Variants in TBX10 observed in about 807,000 individuals in gnomAD.
The protein encoded by TBX10 is T-box transcription factor TBX10.
In TBX10, 26 loss-of-function variants were observed where a neutral mutation model predicts 32.4. The ratio of observed to expected loss-of-function variants is 0.80; its 90% CI spans 0.59 to 1.11. The LOEUF (loss-of-function observed/expected upper bound fraction) is 1.11. TBX10 is among the 50% of genes most tolerant of loss of function. The probability of loss-of-function intolerance (pLI) is 0.00; values close to 1 mark genes in which losing one functional copy is unlikely to be tolerated. For missense variants in TBX10, 490 were observed against 494.5 expected, an observed-to-expected ratio of 0.99 and a Z score of 0.09; for synonymous variants, 195 against 203.1, an observed-to-expected ratio of 0.96 and a Z score of 0.34.
chr11:67,636,259 T>G (rs1026676165), intron 1 of TBX10, among the ~76,000 whole-genome samples: 4 of 150,894 alleles, frequency 2.7e-5, no homozygotes, highest in African/African-American at 7.3e-5. Context: ...TTTTTTTTTT[T>G]TTTTGTAGAG....
rs965982729 is a variant in TBX10 at position 67,637,707 on chromosome 11, G to A, written c.7+1759C>T. Among the ~76,000 whole-genome samples, 15 of 152,178 alleles carry A rather than the reference G, an allele frequency of 9.9e-5. No individual in the cohort carries two copies. In the East Asian group the frequency reaches 2.9e-3, roughly 29 times the overall value. On this transcript the variant is annotated intron_variant, in intron 1 of 7. Coordinates refer to ENST00000335385, the MANE Select transcript of TBX10 (RefSeq NM_005995.5). ...GGCAAATATTTAGGCTAAATTGTGG[G>A]AGCTAAGAACATAAAATATATTGAT...
Position 67,634,868 on chromosome 11 carries a change from C to T in TBX10, c.325G>A (p.Ala109Thr). The change falls in exon 3 of 8, where the codon GCC becomes ACC. Residue 109 changes from alanine (A) to threonine (T), a missense_variant. Around this residue, in one of 3 missense-constraint regions of TBX10, gnomAD observed 307 missense variants for 294.9 expected, o/e 1.04. Transcript: ENST00000335385. ...QVKILGMDSL[A>T]DYALLMDFIP... ...AAGTCCATGAGCAGGGCGTAGTCGG[C>T]CAGGGAGTCCATGCCCAGGATCTTC... The T allele has an allele frequency of 1.9e-6, 3 of 1,613,470 alleles. No homozygotes were observed. The highest frequency in any genetic ancestry group is 1.7e-6 in the Non-Finnish European group (2 of 1,180,010).
upstream of TBX10, among the ~76,000 whole-genome samples, chr11:67,641,324 C>T (rs769159786): frequency 7.2e-5 from 11 of 152,206 alleles, no homozygotes; most frequent in Non-Finnish European, 1.6e-4. Context: ...CCCACATGCA[C>T]GCAGACACAC....
intron 6 of TBX10, 72 bp from the exon 7 acceptor site, chr11:67,632,484 C>T: frequency 6.3e-7 from 1 of 1,587,286 alleles, no homozygotes. Flanking sequence ...TGGCCAGCTT[C>T]AGATGGTGGG....
chr11:67,631,576 A>T lies in TBX10; in HGVS notation c.*29T>A. On this transcript the variant is annotated 3_prime_UTR_variant, in exon 8 of 8. Coordinates refer to ENST00000335385, the MANE Select transcript of TBX10 (RefSeq NM_005995.5). The stretch of plus-strand genomic sequence containing the variant: ...CCACACCCGGTGTAAGGTCCAGGGT[A>T]GCAGGGCTTCCCCCCAGGGCTTCTG... 1 of 1,576,346 alleles carries T rather than the reference A, an allele frequency of 6.3e-7. No homozygotes were observed. Among genetic ancestry groups the T allele is most frequent in the Non-Finnish European group, 8.6e-7 (1 of 1,168,304 alleles).
At chr11:67,640,480 C>A (rs547228419), upstream of TBX10, among the ~76,000 whole-genome samples, 1 of 152,184 alleles carries the variant, frequency 6.6e-6, no homozygotes, top group Non-Finnish European at 1.5e-5. Context: ...GAGAAGTGGG[C>A]GTCCGCTCTG....
chr11:67,640,585 C>A (rs889076694), upstream of TBX10, among the ~76,000 whole-genome samples: 2 of 152,244 alleles, frequency 1.3e-5, no homozygotes, highest in Non-Finnish European at 2.9e-5. Flanking sequence ...ATGGATCACT[C>A]TGCAGGGAGG....
At chr11:67,639,378 CG>C in intron 1 of TBX10, 87 bp downstream of exon 1, 2 of 1,412,020 alleles carry the variant, frequency 1.4e-6, no homozygotes, top group Middle Eastern at 2.2e-4. Flanking sequence ...CTGGGTTCAG[CG>C]GGGCTGTCTT....
intron 5 of TBX10, 82 bp downstream of exon 5, chr11:67,632,866 G>T: frequency 1.2e-6 from 2 of 1,608,254 alleles, no homozygotes; most frequent in Non-Finnish European, 1.7e-6. Flanking sequence ...GTCTGTGCCA[G>T]TGAGGGCTGC....
chr11:67,632,691 T>C, intron 5 of TBX10, 21 bp from the exon 6 acceptor site: 1 of 1,613,748 alleles, frequency 6.2e-7, no homozygotes, highest in Non-Finnish European at 8.5e-7. Context: ...CAAAGTGCAG[T>C]TGTGGGCTGG....
At position 67,634,824 on chromosome 11, in the gene TBX10, C is replaced by G; in HGVS notation, c.369G>C (p.Lys123Asn). Residue 123 changes from lysine (K) to asparagine (N), a missense_variant, in exon 3 of 8, where the codon AAG (lysine) becomes AAC (asparagine). Coordinates refer to ENST00000335385, the MANE Select transcript of TBX10 (RefSeq NM_005995.5). ...LLMDFIPLDD[K>N]RYRYAFHSSA... ...CAGGCCGGTCCCCGCACCTGTATCT[C>G]TTGTCGTCCAGGGGGATGAAGTCCA... The G allele has an allele frequency of 1.9e-6, 3 of 1,613,524 alleles. No individual in the cohort carries two copies. Among genetic ancestry groups the G allele is most frequent in the Non-Finnish European group, 2.5e-6 (3 of 1,180,030 alleles).
rs60139069 is a variant in TBX10 at position 67,636,073 on chromosome 11, CTTT to C, written c.8-813_8-811del. Among the ~76,000 whole-genome samples, 606 of 97,978 alleles carry C rather than the reference CTTT, an allele frequency of 6.2e-3. 5 individuals carry two copies. The highest frequency in any genetic ancestry group is 0.021 in the African/African-American group (571 of 27,424). The allele number at this position is 97,978 out of a possible 152,430, so 64.3% of individuals were successfully genotyped here. On this transcript the variant is annotated intron_variant, in intron 1 of 7. Coordinates refer to ENST00000335385, the MANE Select transcript of TBX10 (RefSeq NM_005995.5). ...TAAGGAGATGGAAAAATTAGAACTCCTTTTTTTTTTTTTTTTTTTTTTTGAGGC... is the reference window on the plus strand; with the variant it reads ...TAAGGAGATGGAAAAATTAGAACTCCTTTTTTTTTTTTTTTTTTTTGAGGC...
chr11:67,634,480 T>G (rs1855293178), intron 3 of TBX10, 120 bp from the exon 4 acceptor site: 1 of 1,237,390 alleles, frequency 8.1e-7, no homozygotes, highest in Non-Finnish European at 1.1e-6. Flanking sequence ...GTGGGCACCT[T>G]GCTAAGGAAC....
upstream of TBX10, among the ~76,000 whole-genome samples, chr11:67,641,281 C>CCA (rs1175005326): frequency 6.6e-6 from 1 of 151,762 alleles, no homozygotes; most frequent in Admixed American, 6.6e-5. Flanking sequence ...AACCCCCCTC[C>CCA]CACACACACA....
intron 3 of TBX10, among the ~76,000 whole-genome samples, 193 bp downstream of exon 3, chr11:67,634,623 G>A (rs887550491): frequency 6.6e-6 from 1 of 152,210 alleles, no homozygotes; most frequent in Non-Finnish European, 1.5e-5. Flanking sequence ...ACCCATGGAA[G>A]TCTGCTGGGT....
intron 4 of TBX10, 25 bp downstream of exon 4, chr11:67,634,164 G>C (rs12787511): frequency 0.28 from 458,046 of 1,610,096 alleles, 68,538 homozygotes; most frequent in Admixed American, 0.42. Flanking sequence ...AGGCCCTTCC[G>C]TCCCCACCGT....
chr11:67,640,920 G>A (rs552630426), upstream of TBX10, among the ~76,000 whole-genome samples: 159 of 152,290 alleles, frequency 1.0e-3, no homozygotes, highest in African/African-American at 3.8e-3. Flanking sequence ...AAAGACGGTG[G>A]GCTGGCTCTG....
Position 67,634,994 on chromosome 11 carries a change from A to G in TBX10, c.275+2T>C, listed in dbSNP as rs1172186795. 1 of 1,613,292 alleles carries G rather than the reference A, an allele frequency of 6.2e-7. No homozygotes were observed. Among genetic ancestry groups the G allele is most frequent in the Non-Finnish European group, 8.5e-7 (1 of 1,179,984 alleles). ...GCCTCACCCCGCCCCCGCTGCTCAC[A>G]CCTGCCTGCCTTGGTGACGATCATC... On this transcript the variant is annotated splice_donor_variant, in intron 2 of 7. Coordinates refer to ENST00000335385, the MANE Select transcript of TBX10 (RefSeq NM_005995.5). LOFTEE classifies it high-confidence loss of function.
rs570062637 is a variant in TBX10, at chr11:67,639,567, G to C, written c.-95C>G. On this transcript the variant is annotated 5_prime_UTR_variant, in exon 1 of 8. Coordinates refer to ENST00000335385, the MANE Select transcript of TBX10 (RefSeq NM_005995.5). ...AGGGGTGGTCACCACTCGTCCACTC[G>C]GCACCTCAGCTCAGCCCTCAGGTGC... 1 of 1,543,392 alleles carries C rather than the reference G, an allele frequency of 6.5e-7. No homozygotes were observed. The highest frequency in any genetic ancestry group is 8.9e-7 in the Non-Finnish European group (1 of 1,123,546).
Sources: gnomAD v4.1 joint callset for allele counts (sites outside exome capture counted in the v4.1 genomes callset) on GRCh38, gnomAD v4.1.1 for gene constraint, gnomAD v4.1.1 regional missense constraint, MANE v1.5 for transcripts, NCBI Gene and HGNC (gene_info 2026-07-23, HGNC 2026-07-21) for gene names.